Variants in PITPNC1 observed in about 807,000 individuals in gnomAD.
The protein encoded by PITPNC1 is phosphatidylinositol transfer protein cytoplasmic 1, also known as cytoplasmic phosphatidylinositol transfer protein 1.
PITPNC1 carries 18 observed loss-of-function variants against 44.7 expected under a neutral mutation model. That is an observed-to-expected ratio of 0.40 (90% CI 0.28 to 0.60). PITPNC1 has a LOEUF of 0.60. Ranked by LOEUF, PITPNC1 falls within the 20% of genes least tolerant of loss-of-function variation. The pLI, the probability that PITPNC1 is intolerant of heterozygous loss-of-function variation, is 0.39. For missense variants in PITPNC1, 290 were observed against 418.4 expected (o/e 0.69, Z 2.68); for synonymous variants, 141 against 149.6 (o/e 0.94, Z 0.42).
At chr17:67,690,923 T>G (rs1200589209) in intron 8 of PITPNC1, among the ~76,000 whole-genome samples, 1 of 152,004 alleles carries the variant, frequency 6.6e-6, no homozygotes, top group Non-Finnish European at 1.5e-5. Context: ...GCCAACATGG[T>G]GAAACCCTGT....
Position 67,696,924 on chromosome 17 carries a change from A to G in PITPNC1, c.*4036A>G, listed in dbSNP as rs1365470296. On this transcript the variant is annotated 3_prime_UTR_variant, in exon 9 of 9. Coordinates refer to ENST00000581322, the MANE Select transcript of PITPNC1 (RefSeq NM_012417.4). ...TCTGTCAAATTGCAAGTCTCCCTTC[A>G]GTTTCTATATATCACCCAGGAGAGG... 1 of 152,184 alleles carries G rather than the reference A, an allele frequency of 6.6e-6. No homozygotes were observed. The highest frequency in any genetic ancestry group is 1.9e-4 in the East Asian group (1 of 5,196). The allele number at this position is 152,184 out of a possible 1,614,324, so 9.4% of individuals were successfully genotyped here. A position where few individuals can be genotyped will look rare whatever the true frequency, so the allele number is the denominator to read the frequency against.
At chr17:67,628,691 GGA>G (rs2041926891) in intron 5 of PITPNC1, among the ~76,000 whole-genome samples, 1 of 152,176 alleles carries the variant, frequency 6.6e-6, no homozygotes, top group Non-Finnish European at 1.5e-5. Flanking sequence ...GGGTGTGTGT[GGA>G]GAGAGAGTCG....
chr17:67,552,992 A>C (rs2040788541), intron 3 of PITPNC1, among the ~76,000 whole-genome samples: 1 of 152,176 alleles, frequency 6.6e-6, no homozygotes, highest in South Asian at 2.1e-4. Context: ...AATTTTGACT[A>C]TACTTTGTAT....
At chr17:67,541,879 G>C (rs1255774479) in intron 2 of PITPNC1, among the ~76,000 whole-genome samples, 1 of 152,204 alleles carries the variant, frequency 6.6e-6, no homozygotes, top group Non-Finnish European at 1.5e-5. Flanking sequence ...CTTCGGCTCA[G>C]GTTAAGGAAG....
chr17:67,493,398 G>A (rs1021001986), intron 1 of PITPNC1, among the ~76,000 whole-genome samples: 9 of 152,140 alleles, frequency 5.9e-5, no homozygotes, highest in Middle Eastern at 3.2e-3. Flanking sequence ...CCTCCATCTC[G>A]AGACTCAGAA....
At chr17:67,425,195 A>ACGCGCACG in intron 1 of PITPNC1, among the ~76,000 whole-genome samples, 1 of 116,440 alleles carries the variant, frequency 8.6e-6, no homozygotes, top group Non-Finnish European at 1.8e-5. Flanking sequence ...GTGCGCGCGC[A>ACGCGCACG]CGCACACGCA....
intron 5 of PITPNC1, among the ~76,000 whole-genome samples, chr17:67,614,260 C>A (rs150494711): frequency 1.3e-5 from 2 of 151,914 alleles, no homozygotes; most frequent in African/African-American, 4.8e-5. Flanking sequence ...CAGTGAGGGA[C>A]GAACTGACAC....
At chr17:67,388,301 A>G (rs2038084440) in intron 1 of PITPNC1, among the ~76,000 whole-genome samples, 1 of 148,934 alleles carries the variant, frequency 6.7e-6, no homozygotes, top group South Asian at 2.1e-4. Context: ...AGGAGTATGT[A>G]TATTAGTTTT....
At chr17:67,484,633 T>A (rs2039752173) in intron 1 of PITPNC1, among the ~76,000 whole-genome samples, 1 of 152,084 alleles carries the variant, frequency 6.6e-6, no homozygotes, top group African/African-American at 2.4e-5. Flanking sequence ...GAAATCAGAG[T>A]AAAGATTTTC....
At chr17:67,494,199 T>TTCTTTCTTTCTTTCTTTC (rs1411689709) in intron 1 of PITPNC1, among the ~76,000 whole-genome samples, 2 of 146,716 alleles carry the variant, frequency 1.4e-5, no homozygotes, top group African/African-American at 5.2e-5. Flanking sequence ...CTTTCTTTCT[T>TTCTTTCTTTCTTTCTTTC]TCTTTCTTTC....
At chr17:67,457,896 G>A (rs551531292) in intron 1 of PITPNC1, 19 of 152,238 alleles carry the variant, frequency 1.2e-4, no homozygotes, top group African/African-American at 4.3e-4. Flanking sequence ...CATGCTGCTC[G>A]GTTGTCTTGC....
intron 1 of PITPNC1, among the ~76,000 whole-genome samples, chr17:67,411,989 T>C (rs2038506324): frequency 6.6e-6 from 1 of 152,084 alleles, no homozygotes. Context: ...GGAAAAAGCA[T>C]GGTTTAGGGA....
intron 1 of PITPNC1, among the ~76,000 whole-genome samples, chr17:67,487,246 C>T (rs2039793004): frequency 1.3e-5 from 2 of 152,116 alleles, no homozygotes; most frequent in South Asian, 4.1e-4. Flanking sequence ...ACGATCTCAG[C>T]TCACTGCAAC....
chr17:67,691,611 A>C (rs1429360070), intron 8 of PITPNC1, among the ~76,000 whole-genome samples: 2 of 152,246 alleles, frequency 1.3e-5, no homozygotes, highest in African/African-American at 4.8e-5. Flanking sequence ...ATTAAAACAC[A>C]ATCTCTGAAC....
intron 1 of PITPNC1, among the ~76,000 whole-genome samples, chr17:67,498,169 C>T (rs1288501184): frequency 6.6e-6 from 1 of 152,230 alleles, no homozygotes; most frequent in Non-Finnish European, 1.5e-5. Flanking sequence ...TGCGCTTGGC[C>T]TCTATCTTAT....
At position 67,664,604 on chromosome 17, in the gene PITPNC1, CT is replaced by C; in HGVS notation, c.463-4900del. Among the ~76,000 whole-genome samples, 3 of 152,180 alleles carry C rather than the reference CT, an allele frequency of 2.0e-5. No individual in the cohort carries two copies. The South Asian group carries it at 6.2e-4, about 32-fold the overall frequency. Reference sequence around the variant, plus strand: ...TGTTTCTCGGCGACCTGTATATCTTCTTTTAAGAAGACTTCATGGTCAGGCA... The same window carrying C: ...TGTTTCTCGGCGACCTGTATATCTTCTTTAAGAAGACTTCATGGTCAGGCA... On this transcript the variant is annotated intron_variant, in intron 6 of 8. Transcript: ENST00000581322.
intron 1 of PITPNC1, among the ~76,000 whole-genome samples, chr17:67,426,402 T>C (rs113399071): frequency 9.2e-5 from 14 of 152,278 alleles, no homozygotes; most frequent in African/African-American, 3.4e-4. Context: ...ATGTGGTACA[T>C]ATACACCATG....
In PITPNC1 at chr17:67,669,492, A is replaced by ATT. The variant is rs36013607; in HGVS notation, c.463-6_463-5dup. On this transcript the variant is annotated splice_polypyrimidine_tract_variant and intron_variant, in intron 6 of 8. Transcript: ENST00000581322. ...AACTTTTAATATATCAATTTCTTTG[A>ATT]TTTTTTTTTTTCTAGGATCCTAAGC... The ATT allele has an allele frequency of 1.4e-4, 181 of 1,327,384 alleles. No individual in the cohort carries two copies. In the Admixed American group the frequency reaches 2.1e-3, roughly 16 times the overall value. The allele number at this position is 1,327,384 out of a possible 1,614,324, so 82.2% of individuals were successfully genotyped here.
At chr17:67,412,446 C>T (rs1178460445) in intron 1 of PITPNC1, among the ~76,000 whole-genome samples, 1 of 152,204 alleles carries the variant, frequency 6.6e-6, no homozygotes, top group African/African-American at 2.4e-5. Context: ...TCCCTCATCC[C>T]TGTAATTAGC....
Sources: gnomAD v4.1 joint callset for allele counts (sites outside exome capture counted in the v4.1 genomes callset) on GRCh38, gnomAD v4.1.1 for gene constraint, MANE v1.5 for transcripts, NCBI Gene and HGNC (gene_info 2026-07-23, HGNC 2026-07-21) for gene names.